PRDM15: variants seen among roughly 807,000 people sequenced by gnomAD.
The protein encoded by PRDM15 is PR/SET domain 15.
In PRDM15, 64 loss-of-function variants were observed where a neutral mutation model predicts 128.6. The ratio of observed to expected loss-of-function variants is 0.50; its 90% confidence interval spans 0.41 to 0.61. The LOEUF (loss-of-function observed/expected upper bound fraction) is 0.61. Among genes scored for constraint, PRDM15 ranks in the 20% least tolerant of loss-of-function variants. The pLI, the probability that PRDM15 is intolerant of heterozygous loss-of-function variation, is 0.00. For missense variants in PRDM15, 1,242 were observed against 1,569.1 expected, an observed-to-expected ratio of 0.79 and a Z score of 3.52; for synonymous variants, 615 against 621.8, an observed-to-expected ratio of 0.99 and a Z score of 0.16.
intron 5 of PRDM15, among the ~76,000 whole-genome samples, chr21:41,853,184 G>A (rs1341912133): frequency 1.3e-5 from 2 of 152,204 alleles, no homozygotes. Flanking sequence ...GCAGCGCAGC[G>A]CCGGGACACT....
At chr21:41,817,303 T>C (rs2062087357) in intron 18 of PRDM15, among the ~76,000 whole-genome samples, 3 of 152,336 alleles carry the variant, frequency 2.0e-5, no homozygotes, top group African/African-American at 7.2e-5. Context: ...GTCATATTCT[T>C]ACTGGCCACA....
chr21:41,836,737 A>C, intron 8 of PRDM15, 88 bp from the exon 9 acceptor site: 2 of 1,112,022 alleles, frequency 1.8e-6, no homozygotes, highest in Non-Finnish European at 2.6e-6. Context: ...TCCTTCCAAA[A>C]CTTCCCAGCT....
rs538564077 is a variant in PRDM15 at position 41,854,433 on chromosome 21, A to G, written c.538+133T>C. The G allele has an allele frequency of 9.0e-5, 105 of 1,171,724 alleles. 1 individual carries two copies. In the South Asian group the frequency reaches 1.6e-3, roughly 17 times the overall value. 72.6% of individuals were successfully genotyped at this position (1,171,724 alleles called of 1,614,324 possible). On this transcript the variant is annotated intron_variant, in intron 5 of 23. Coordinates refer to ENST00000398548, the MANE Select transcript of PRDM15 (RefSeq NM_001040424.3). This position sits in a 1 kb window ranked among gnomAD's most constrained non-coding sequence, Gnocchi z 4.6. ...GACAGACCCGACTCTCCACTCCTCC[A>G]CTCTCCGCATCCCAGCAGCTGGCCC...
rs755561204 is a variant in PRDM15 at position 41,859,003 on chromosome 21, C to T, written c.131+589G>A. 15 of 1,520,224 alleles carry T rather than the reference C, an allele frequency of 9.9e-6. No homozygotes were observed. Among genetic ancestry groups the T allele is most frequent in the South Asian group, 1.2e-5 (1 of 82,730 alleles). The allele number at this position is 1,520,224 out of a possible 1,614,324, so 94.2% of individuals were successfully genotyped here. A position where few individuals can be genotyped will look rare whatever the true frequency, so the allele number is the denominator to read the frequency against. ...ATCCTCTACAGAGGCCACCGAGGTC[C>T]GGAGAGGAGTGCCTTGTCCAAGCTC... On this transcript the variant is annotated intron_variant, in intron 3 of 23. Coordinates refer to ENST00000398548, the MANE Select transcript of PRDM15 (RefSeq NM_001040424.3). The surrounding 1 kb of genome is among the most constrained non-coding windows in gnomAD (Gnocchi z 5.3).
At chr21:41,866,728 G>A (rs185587951) in intron 1 of PRDM15, among the ~76,000 whole-genome samples, 2 of 152,340 alleles carry the variant, frequency 1.3e-5, no homozygotes, top group Non-Finnish European at 2.9e-5. Context: ...GCCAGCTGGT[G>A]TTGAAGGGGC....
At chr21:41,850,597 G>A (rs1039277731) in intron 5 of PRDM15, among the ~76,000 whole-genome samples, 3 of 152,070 alleles carry the variant, frequency 2.0e-5, no homozygotes, top group Non-Finnish European at 4.4e-5. Flanking sequence ...AGCTGGGTGT[G>A]GTGGCACATC....
intron 2 of PRDM15, among the ~76,000 whole-genome samples, chr21:41,860,087 C>T (rs1429091299): frequency 6.6e-6 from 1 of 152,226 alleles, no homozygotes; most frequent in Non-Finnish European, 1.5e-5. Context: ...TCAAGTGCTA[C>T]CCCCTGCAAA....
chr21:41,810,268 C>T lies in PRDM15; in HGVS notation c.2538G>A (p.Gln846=), dbSNP rs2061821173. Reference sequence around the variant, plus strand: ...TGTCGTGTGTGAGCTGAACGTGCTTCTGCAGCATGTACTCGGTCACGTACT... The same window carrying T: ...TGTCGTGTGTGAGCTGAACGTGCTTTTGCAGCATGTACTCGGTCACGTACT... ...DKKYVTEYML[Q]KHVQLTHDKV... is the part of the protein sequence containing the mutation. The change falls in exon 21 of 24, where the codon CAG becomes CAA. Residue 846 remains glutamine, a synonymous_variant. Coordinates refer to ENST00000398548, the MANE Select transcript of PRDM15 (RefSeq NM_001040424.3). This position sits in a 1 kb window ranked among gnomAD's most constrained non-coding sequence, Gnocchi z 6.4. 1 of 1,613,550 alleles carries T rather than the reference C, an allele frequency of 6.2e-7. No homozygotes were observed. The highest frequency in any genetic ancestry group is 1.3e-5 in the African/African-American group (1 of 75,060).
At chr21:41,836,392 A>G in intron 9 of PRDM15, 76 bp downstream of exon 9, 1 of 1,458,202 alleles carries the variant, frequency 6.9e-7, no homozygotes, top group South Asian at 1.3e-5. Context: ...AGGAGGGGAG[A>G]CTCCGTGCTG....
At chr21:41,838,115 C>T in intron 7 of PRDM15, 52 bp from the exon 8 acceptor site, 1 of 1,597,530 alleles carries the variant, frequency 6.3e-7, no homozygotes. Flanking sequence ...AGGGGACAAA[C>T]ACAGTCAAAC....
chr21:41,875,422 A>G (rs2064378065), intron 1 of PRDM15, among the ~76,000 whole-genome samples: 1 of 152,208 alleles, frequency 6.6e-6, no homozygotes, highest in African/African-American at 2.4e-5. Context: ...ATTTCCTAAA[A>G]TGCCACTCCC....
intron 1 of PRDM15, among the ~76,000 whole-genome samples, chr21:41,874,517 ATATATATATTT>A (rs1601503196): frequency 1.5e-5 from 1 of 66,232 alleles, no homozygotes; most frequent in Non-Finnish European, 3.3e-5. Flanking sequence ...ATATATATAT[ATATATATATTT>A]TTTTTTTTTT....
At chr21:41,842,577 G>T (rs185298356) in intron 6 of PRDM15, among the ~76,000 whole-genome samples, 1 of 151,420 alleles carries the variant, frequency 6.6e-6, no homozygotes, top group Non-Finnish European at 1.5e-5. Context: ...TATAACCTCC[G>T]CCTCCCAGGT....
chr21:41,824,498 GCA>G (rs1306565202), intron 13 of PRDM15, among the ~76,000 whole-genome samples: 1 of 151,802 alleles, frequency 6.6e-6, no homozygotes, highest in East Asian at 1.9e-4. Flanking sequence ...AATAAACACT[GCA>G]CAGAATAAAA....
Position 41,821,934 on chromosome 21 carries a change from T to A in PRDM15, c.1865A>T (p.Glu622Val). Residue 622 changes from glutamate (E) to valine (V), a missense_variant, in exon 15 of 24, where the codon GAG becomes GTG. Glu to Val is a moderately radical substitution (Grantham distance 121). Transcript: ENST00000398548. The surrounding 1 kb of genome is among the most constrained non-coding windows in gnomAD (Gnocchi z 5.4). ...CCGCTTGCAGCTGTACTTGTGAGGC[T>A]CCGAGTCTGCGCTCTCGTCAGAATT... ...DDNSDESADS[E>V]PHKYSCKRCQ... is the part of the protein sequence containing the mutation. The A allele has an allele frequency of 6.2e-7, 1 of 1,614,180 alleles. No individual in the cohort carries two copies. Among genetic ancestry groups the A allele is most frequent in the South Asian group, 1.1e-5 (1 of 91,086 alleles).
chr21:41,836,423 G>C (rs540920749), intron 9 of PRDM15, 45 bp downstream of exon 9: 1 of 1,579,780 alleles, frequency 6.3e-7, no homozygotes, highest in East Asian at 2.3e-5. Context: ...CCCAGCCCCA[G>C]TCCTGGCCCT....
intron 1 of PRDM15, chr21:41,871,889 C>T: frequency 3.1e-6 from 1 of 326,520 alleles, no homozygotes; most frequent in Non-Finnish European, 5.6e-6. Context: ...CGGCCTCCAC[C>T]TGCGCACACC....
rs111552015 is a variant in PRDM15 at position 41,821,813 on chromosome 21, T to C, written c.1896+90A>G. On this transcript the variant is annotated intron_variant, in intron 15 of 23. Transcript: ENST00000398548. This position sits in a 1 kb window ranked among gnomAD's most constrained non-coding sequence, Gnocchi z 5.4. ...GAGGGAGGGCTGCTTCCGAGATGCA[T>C]GAAGGTGCCTGCTGTGTGGGGCCCA... 2.6e-6 allele frequency: 4 copies of C among 1,514,266 alleles called. No individual in the cohort carries two copies. In the South Asian group the frequency reaches 3.4e-5, roughly 13 times the overall value. 93.8% of individuals were successfully genotyped at this position (1,514,266 alleles called of 1,614,324 possible).
chr21:41,829,443 TACTC>T (rs1390799563), intron 11 of PRDM15, among the ~76,000 whole-genome samples: 47 of 150,422 alleles, frequency 3.1e-4, no homozygotes, highest in Non-Finnish European at 5.6e-4. Context: ...AAGCCACAAA[TACTC>T]AACACACCAC....
Sources: allele counts gnomAD v4.1 joint callset (sites outside exome capture counted in the v4.1 genomes callset), GRCh38; gene constraint gnomAD v4.1.1; non-coding constraint Gnocchi (gnomAD v3.1); transcripts MANE v1.5; gene names NCBI Gene and HGNC (gene_info 2026-07-23, HGNC 2026-07-21).